Variants in RSPH10B observed in about 807,000 individuals in gnomAD.
The protein encoded by RSPH10B is radial spoke head 10 homolog B.
RSPH10B carries 7 observed loss-of-function variants against 52.5 expected under a neutral mutation model. That is an observed-to-expected ratio of 0.13 (90% CI 0.08 to 0.25). The LOEUF (loss-of-function observed/expected upper bound fraction) is 0.25. Ranked by LOEUF, RSPH10B falls within the 10% of genes least tolerant of loss-of-function variation. RSPH10B has a pLI of 1.00. For synonymous variants in RSPH10B, 28 were observed against 193.2 expected (o/e 0.14, Z 7.09); for missense variants, 89 against 542.5 (o/e 0.16, Z 8.30).
chr7:5,942,930 T>A (rs373439903), intron 13 of RSPH10B, among the ~76,000 whole-genome samples: 25,949 of 134,654 alleles, frequency 0.19, 1,242 homozygotes, highest in African/African-American at 0.26. Flanking sequence ...ATATATATTT[T>A]TTTTTAAGAC....
At chr7:5,968,499 G>GTTTATTTATTTATTTATTTATTTA (rs547046490), upstream of RSPH10B, among the ~76,000 whole-genome samples, 7 of 79,574 alleles carry the variant, frequency 8.8e-5, no homozygotes, top group African/African-American at 2.9e-4. Context: ...CTATGGGTTT[G>GTTTATTTATTTATTTATTTATTTA]TTTATTTATT....
intron 18 of RSPH10B, among the ~76,000 whole-genome samples, chr7:5,927,560 C>T (rs1442833131): frequency 1.5e-5 from 2 of 131,394 alleles, no homozygotes; most frequent in East Asian, 2.6e-4. Context: ...GAGAAGCTAT[C>T]GAGGGCCCCT....
chr7:5,943,377 C>G (rs775615291), exon 13 of RSPH10B: 6 of 1,601,062 alleles, frequency 3.7e-6, no homozygotes, highest in Non-Finnish European at 5.1e-6. Flanking sequence ...TGGGGAGGCG[C>G]TGCACTGGGT....
At chr7:5,964,873 C>CAAA (rs1056799791) in intron 2 of RSPH10B, among the ~76,000 whole-genome samples, 2 of 149,056 alleles carry the variant, frequency 1.3e-5, no homozygotes, top group Admixed American at 1.3e-4. Flanking sequence ...CTTGGCCTCC[C>CAAA]AAAGTGCTGG....
At chr7:5,931,437 G>C (rs535863872) in intron 17 of RSPH10B, among the ~76,000 whole-genome samples, 108 of 151,598 alleles carry the variant, frequency 7.1e-4, no homozygotes, top group African/African-American at 2.4e-3. Flanking sequence ...CGTCAGAAAA[G>C]GGGGAGGGCC....
chr7:5,942,639 A>G (rs1403092459), intron 13 of RSPH10B, among the ~76,000 whole-genome samples: 2 of 147,326 alleles, frequency 1.4e-5, no homozygotes, highest in African/African-American at 5.0e-5. Flanking sequence ...AGGCGGGTGG[A>G]TCACCTGGGG....
intron 18 of RSPH10B, among the ~76,000 whole-genome samples, chr7:5,927,050 A>ATATATGTGTGTGTATATATATGTGTG (rs1779490419): frequency 1.8e-5 from 1 of 56,112 alleles, no homozygotes. Flanking sequence ...TGTGTGTATT[A>ATATATGTGTGTGTATATATATGTGTG]TGTGTGTGTG....
exon 19 of RSPH10B, chr7:5,926,165 AAT>A: frequency 2.7e-6 from 1 of 372,978 alleles, no homozygotes; most frequent in Non-Finnish European, 4.7e-6. Context: ...CTGATGTTTT[AAT>A]TTTGCAGAGA....
chr7:5,937,269 A>G (rs72581026), intron 15 of RSPH10B, among the ~76,000 whole-genome samples: 14,367 of 139,272 alleles, frequency 0.1, 1,257 homozygotes, highest in East Asian at 0.56. Flanking sequence ...AAACACATAA[A>G]ATAAAATTTT....
chr7:5,928,930 C>CT (rs1348378328), intron 17 of RSPH10B, among the ~76,000 whole-genome samples: 8 of 147,398 alleles, frequency 5.4e-5, no homozygotes, highest in Admixed American at 2.0e-4. Flanking sequence ...CCAGCCACCT[C>CT]TTTTTTTTCT....
chr7:5,942,215 A>G (rs563583068), intron 13 of RSPH10B, among the ~76,000 whole-genome samples: 2 of 143,440 alleles, frequency 1.4e-5, no homozygotes, highest in South Asian at 4.3e-4. Context: ...ATCAGGCAAC[A>G]CTTCAGTCCA....
At chr7:5,937,086 C>CTCA (rs1779958849) in intron 15 of RSPH10B, among the ~76,000 whole-genome samples, 4 of 25,100 alleles carry the variant, frequency 1.6e-4, no homozygotes, top group East Asian at 2.7e-3. Context: ...AGCTCTGTCT[C>CTCA]AAAAAAAAAA....
intron 17 of RSPH10B, among the ~76,000 whole-genome samples, chr7:5,928,718 A>C (rs58009947): frequency 2.1e-5 from 3 of 145,864 alleles, no homozygotes; most frequent in African/African-American, 5.2e-5. Flanking sequence ...TGCAACCTCC[A>C]CCTCCTGGGT....
At chr7:5,938,414 C>CA (rs563728539) in intron 14 of RSPH10B, among the ~76,000 whole-genome samples, 26,646 of 111,614 alleles carry the variant, frequency 0.24, 1,567 homozygotes, top group East Asian at 0.32. Flanking sequence ...AAAAAAAATA[C>CA]AAAAAAAAAA....
chr7:5,956,681 A>T (rs1296463609), intron 6 of RSPH10B, among the ~76,000 whole-genome samples: 1 of 150,700 alleles, frequency 6.6e-6, no homozygotes, highest in African/African-American at 2.4e-5. Flanking sequence ...TGATCCTCCC[A>T]CCTCAGCCTC....
At chr7:5,956,621 G>C (rs1319211218) in intron 6 of RSPH10B, among the ~76,000 whole-genome samples, 1 of 149,528 alleles carries the variant, frequency 6.7e-6, no homozygotes, top group Non-Finnish European at 1.5e-5. Context: ...ACCCAGGCTA[G>C]AGTATGGCAC....
chr7:5,929,218 C>T (rs1259857875), intron 17 of RSPH10B, among the ~76,000 whole-genome samples: 1 of 144,858 alleles, frequency 6.9e-6, no homozygotes, highest in African/African-American at 2.6e-5. Flanking sequence ...CTTGCTCTGT[C>T]ATCCAGGCTG....
chr7:5,958,009 T>C, exon 6 of RSPH10B: 1 of 1,032,190 alleles, frequency 9.7e-7, no homozygotes. Context: ...GGCCTTCGTA[T>C]ATATTTCCAG....
chr7:5,928,685 G>A (rs1362308176), intron 17 of RSPH10B, among the ~76,000 whole-genome samples: 2 of 147,370 alleles, frequency 1.4e-5, no homozygotes, highest in East Asian at 2.2e-4. Flanking sequence ...AGGCTGGAGT[G>A]CAGTGGCGTG....
Sources: gnomAD v4.1 joint callset for allele counts (sites outside exome capture counted in the v4.1 genomes callset) on GRCh38, gnomAD v4.1.1 for gene constraint, MANE v1.5 for transcripts, NCBI Gene and HGNC (gene_info 2026-07-23, HGNC 2026-07-21) for gene names.